XRN1: variants seen among roughly 807,000 people sequenced by gnomAD.
XRN1 encodes 5'-3' exoribonuclease 1.
In XRN1, 67 loss-of-function variants were observed where a neutral mutation model predicts 222.3. The ratio of observed to expected loss-of-function variants is 0.30; its 90% CI spans 0.25 to 0.37. The LOEUF (loss-of-function observed/expected upper bound fraction) is 0.37, where lower values mean the gene tolerates loss of function less well. XRN1 is among the 10% of genes least tolerant of loss of function. The pLI, the probability that XRN1 is intolerant of heterozygous loss-of-function variation, is 1.00. For synonymous variants in XRN1, 643 were observed against 652.4 expected (o/e 0.99, Z 0.22); for missense variants, 1,707 against 2,000.2 (o/e 0.85, Z 2.80).
intron 33 of XRN1, among the ~76,000 whole-genome samples, chr3:142,336,253 A>G (rs561064090): frequency 1.6e-4 from 25 of 152,278 alleles, no homozygotes; most frequent in Non-Finnish European, 3.2e-4. Flanking sequence ...CATGAGGTAG[A>G]TATGAAGAAG....
chr3:142,427,198 G>A (rs1459375076), intron 2 of XRN1, among the ~76,000 whole-genome samples: 1 of 151,992 alleles, frequency 6.6e-6, no homozygotes, highest in Non-Finnish European at 1.5e-5. Context: ...CCAGGTACAG[G>A]GGCATGTGCC....
At chr3:142,328,063 A>G (rs970890421) in intron 37 of XRN1, among the ~76,000 whole-genome samples, 1 of 152,186 alleles carries the variant, frequency 6.6e-6, no homozygotes, top group Admixed American at 6.5e-5. Flanking sequence ...TTCTTTATCC[A>G]ATCATCTGTT....
intron 32 of XRN1, among the ~76,000 whole-genome samples, chr3:142,354,896 A>C (rs1449142065): frequency 1.3e-5 from 2 of 152,362 alleles, no homozygotes; most frequent in East Asian, 1.9e-4. Flanking sequence ...TGCAGTCATA[A>C]AAAAGAATGA....
At chr3:142,378,630 G>C (rs1479102410) in intron 23 of XRN1, among the ~76,000 whole-genome samples, 2 of 152,080 alleles carry the variant, frequency 1.3e-5, no homozygotes, top group Non-Finnish European at 2.9e-5. Flanking sequence ...ATAAAACTAA[G>C]AAGATCAATC....
intron 2 of XRN1, 150 bp downstream of exon 2, chr3:142,432,511 G>A: frequency 4.1e-6 from 3 of 736,584 alleles, no homozygotes; most frequent in Non-Finnish European, 2.2e-6. Context: ...TACTCGACTG[G>A]TAAAATATGA....
rs1025120968 is a variant in XRN1, at chr3:142,447,698, C to A, written c.75+172G>T. Among the ~76,000 whole-genome samples the A allele has an allele frequency of 2.0e-5, 3 of 152,176 alleles. No individual in the cohort carries two copies. The highest frequency in any genetic ancestry group is 4.8e-5 in the African/African-American group (2 of 41,456). On this transcript the variant is annotated intron_variant, in intron 1 of 40. Transcript: ENST00000392981. This position sits in a 1 kb window ranked among gnomAD's most constrained non-coding sequence, Gnocchi z 4.2. Reference sequence around the variant, plus strand: ...ACACACAGGCAACCTGCGTCCTTAGCCCCTTTCGGCTCATCCGGGCGTCCT... The same window carrying A: ...ACACACAGGCAACCTGCGTCCTTAGACCCTTTCGGCTCATCCGGGCGTCCT...
intron 1 of XRN1, among the ~76,000 whole-genome samples, chr3:142,437,326 G>C (rs375754715): frequency 3.3e-5 from 5 of 152,098 alleles, no homozygotes; most frequent in African/African-American, 1.2e-4. Context: ...CACTGTCTTA[G>C]GTAATCTCAT....
intron 20 of XRN1, among the ~76,000 whole-genome samples, chr3:142,385,324 T>G: frequency 6.6e-6 from 1 of 152,184 alleles, no homozygotes; most frequent in Non-Finnish European, 1.5e-5. Flanking sequence ...TGCTACAATG[T>G]GTATGAACTT....
intron 37 of XRN1, among the ~76,000 whole-genome samples, chr3:142,327,639 G>C (rs1348596516): frequency 6.6e-6 from 1 of 151,046 alleles, no homozygotes; most frequent in African/African-American, 2.4e-5. Context: ...AATAATTTTG[G>C]GTTTGGTTTC....
At chr3:142,438,059 G>C (rs1244278616) in intron 1 of XRN1, among the ~76,000 whole-genome samples, 1 of 152,202 alleles carries the variant, frequency 6.6e-6, no homozygotes, top group Non-Finnish European at 1.5e-5. Flanking sequence ...TGCTAGCAAG[G>C]ATGTAGAGAA....
intron 40 of XRN1, among the ~76,000 whole-genome samples, chr3:142,312,320 T>G (rs2065099845): frequency 6.6e-6 from 1 of 152,110 alleles, no homozygotes; most frequent in African/African-American, 2.4e-5. Flanking sequence ...AATACAATTC[T>G]TCATAGGTTA....
At chr3:142,322,119 T>G (rs993333925) in intron 37 of XRN1, among the ~76,000 whole-genome samples, 2 of 152,182 alleles carry the variant, frequency 1.3e-5, no homozygotes, top group Middle Eastern at 3.2e-3. Flanking sequence ...ATAAAACAAC[T>G]TTCTTGCGGT....
intron 10 of XRN1, 103 bp downstream of exon 10, chr3:142,420,913 A>G (rs1456484007): frequency 1.4e-6 from 2 of 1,479,146 alleles, no homozygotes; most frequent in Non-Finnish European, 1.9e-6. Context: ...AAGAGAAATA[A>G]AACGAGGCAA....
At chr3:142,413,202 G>C (rs952855135) in intron 14 of XRN1, among the ~76,000 whole-genome samples, 1 of 152,062 alleles carries the variant, frequency 6.6e-6, no homozygotes, top group Non-Finnish European at 1.5e-5. Context: ...ACTTTATAAC[G>C]GAGGTAGACA....
intron 23 of XRN1, among the ~76,000 whole-genome samples, chr3:142,378,547 A>G (rs917545568): frequency 2.6e-5 from 4 of 152,208 alleles, no homozygotes; most frequent in Non-Finnish European, 5.9e-5. Context: ...ATTTTAAATG[A>G]TAAACAATAA....
chr3:142,388,802 A>G (rs1466741963), intron 20 of XRN1, among the ~76,000 whole-genome samples: 3 of 152,226 alleles, frequency 2.0e-5, no homozygotes, highest in African/African-American at 7.2e-5. Context: ...CTGCTTTTCA[A>G]CTAAATTTAT....
intron 33 of XRN1, among the ~76,000 whole-genome samples, chr3:142,344,777 G>C (rs1279822966): frequency 6.6e-6 from 1 of 152,124 alleles, no homozygotes; most frequent in East Asian, 1.9e-4. Flanking sequence ...AAGACATCTT[G>C]TGTTCATGGA....
intron 27 of XRN1, among the ~76,000 whole-genome samples, chr3:142,367,298 A>AT (rs2066848105): frequency 6.6e-6 from 1 of 152,040 alleles, no homozygotes; most frequent in Non-Finnish European, 1.5e-5. Flanking sequence ...AAAAAAAAAA[A>AT]GAAAGAAAGA....
At chr3:142,316,261 G>C (rs1413232877) in intron 39 of XRN1, among the ~76,000 whole-genome samples, 1 of 139,204 alleles carries the variant, frequency 7.2e-6, no homozygotes, top group Non-Finnish European at 1.5e-5. Flanking sequence ...CTGTCACCCA[G>C]GCTGGGGTGC....
Sources: gnomAD v4.1 joint callset for allele counts (sites outside exome capture counted in the v4.1 genomes callset) on GRCh38, gnomAD v4.1.1 for gene constraint, Gnocchi (gnomAD v3.1) non-coding constraint, MANE v1.5 for transcripts, NCBI Gene and HGNC (gene_info 2026-07-23, HGNC 2026-07-21) for gene names.